The following ROR1 variants were observed in gnomAD, a reference collection of about 807,000 sequenced individuals.
ROR1 encodes the protein ROR family WNT receptor 1, also known as inactive tyrosine-protein kinase transmembrane receptor ROR1.
ROR1 carries 19 observed loss-of-function variants against 78.8 expected under a neutral mutation model. The ratio of observed to expected loss-of-function variants is 0.24; its 90% CI spans 0.17 to 0.35. The LOEUF (loss-of-function observed/expected upper bound fraction) is 0.35, where lower values mean the gene tolerates loss of function less well. Among genes scored for constraint, ROR1 ranks in the 10% least tolerant of loss-of-function variants. ROR1 has a pLI of 1.00. For missense variants in ROR1, 917 were observed against 1,177.8 expected (o/e 0.78, Z 3.24); for synonymous variants, 386 against 433.6 (o/e 0.89, Z 1.36).
intron 1 of ROR1, among the ~76,000 whole-genome samples, chr1:63,980,243 G>C (rs1646199084): frequency 6.6e-6 from 1 of 151,908 alleles, no homozygotes; most frequent in South Asian, 2.1e-4. Context: ...AGGAATTTGA[G>C]GCCTGAGGGG....
At chr1:63,833,965 CT>C (rs1036510230) in intron 1 of ROR1, among the ~76,000 whole-genome samples, 2 of 143,472 alleles carry the variant, frequency 1.4e-5, no homozygotes, top group African/African-American at 2.6e-5. Flanking sequence ...GTCTCGAGGG[CT>C]TTTTTTTGAC....
intron 1 of ROR1, among the ~76,000 whole-genome samples, chr1:63,990,678 G>T (rs1382737546): frequency 6.6e-6 from 1 of 152,108 alleles, no homozygotes; most frequent in East Asian, 1.9e-4. Flanking sequence ...CTCTGTCCCA[G>T]CTCCTCCACT....
intron 1 of ROR1, among the ~76,000 whole-genome samples, chr1:63,877,414 G>A (rs1283769586): frequency 1.3e-5 from 2 of 152,170 alleles, no homozygotes; most frequent in South Asian, 2.1e-4. Flanking sequence ...ATCACCTGAC[G>A]TTGTAATAAT....
At chr1:63,922,805 C>T (rs1258073991) in intron 1 of ROR1, among the ~76,000 whole-genome samples, 2 of 152,168 alleles carry the variant, frequency 1.3e-5, no homozygotes, top group Non-Finnish European at 2.9e-5. Context: ...GAGACTTATA[C>T]ACAGCCTAAC....
At position 64,140,193 on chromosome 1, in the gene ROR1, T is replaced by C; in HGVS notation, c.695T>C (p.Phe232Ser). Reference sequence around the variant, plus strand: ...ATTCCTTCCCTGTGCCACTATGCCTTCCCGTACTGCGATGAAACTTCATCC... The same window carrying C: ...ATTCCTTCCCTGTGCCACTATGCCTCCCCGTACTGCGATGAAACTTCATCC... Reference protein sequence around the residue: ...FAIPSLCHYAFPYCDETSSVP... With the variant: ...FAIPSLCHYASPYCDETSSVP... The change falls in exon 6 of 9, where the codon TTC becomes TCC. Residue 232 changes from phenylalanine to serine, a missense_variant. Phe to Ser is a radical substitution (Grantham distance 155). Around this residue, in one of 3 missense-constraint regions of ROR1, gnomAD observed 835 missense variants for 1,069.8 expected, o/e 0.78. Transcript: ENST00000371079. The C allele has an allele frequency of 6.2e-7, 1 of 1,614,196 alleles. No individual in the cohort carries two copies. Among genetic ancestry groups the C allele is most frequent in the Non-Finnish European group, 8.5e-7 (1 of 1,180,030 alleles).
chr1:64,063,373 C>T (rs1270061652), intron 4 of ROR1, among the ~76,000 whole-genome samples: 1 of 152,150 alleles, frequency 6.6e-6, no homozygotes, highest in Non-Finnish European at 1.5e-5. Flanking sequence ...GACAGCCCTT[C>T]CTAAATCTTT....
At chr1:63,917,218 T>C (rs1417723655) in intron 1 of ROR1, among the ~76,000 whole-genome samples, 1 of 152,180 alleles carries the variant, frequency 6.6e-6, no homozygotes, top group Non-Finnish European at 1.5e-5. Context: ...CCTCTTCCAC[T>C]GGACTGTGAA....
intron 4 of ROR1, among the ~76,000 whole-genome samples, chr1:64,088,432 A>G (rs1647170415): frequency 6.6e-6 from 1 of 152,168 alleles, no homozygotes; most frequent in Non-Finnish European, 1.5e-5. Context: ...TTTCTAATAT[A>G]GAGCTGCCAA....
intron 1 of ROR1, among the ~76,000 whole-genome samples, chr1:63,813,395 A>G (rs954623362): frequency 6.6e-6 from 1 of 152,208 alleles, no homozygotes; most frequent in Non-Finnish European, 1.5e-5. Flanking sequence ...GACATTCAAT[A>G]AATATTGATT....
intron 1 of ROR1, among the ~76,000 whole-genome samples, chr1:64,007,377 A>AGTGTGTGTGTGTGTGT (rs59753220): frequency 5.5e-5 from 8 of 145,924 alleles, no homozygotes; most frequent in Non-Finnish European, 9.0e-5. Context: ...TAATGTTCTG[A>AGTGTGTGTGTGTGTGT]GTGTGTGTGT....
chr1:64,051,357 G>A (rs1646827013), intron 4 of ROR1, among the ~76,000 whole-genome samples: 1 of 151,890 alleles, frequency 6.6e-6, no homozygotes, highest in African/African-American at 2.4e-5. Context: ...GGCTGAGGCA[G>A]GAGAATGGCG....
chr1:63,834,608 C>G (rs953343728), intron 1 of ROR1, among the ~76,000 whole-genome samples: 1 of 152,274 alleles, frequency 6.6e-6, no homozygotes, highest in South Asian at 2.1e-4. Flanking sequence ...CTTAGGCTTA[C>G]TCTTAAAATG....
rs10157674 is a variant in ROR1 at position 63,998,103 on chromosome 1, A to G, written c.92-11202A>G. Among the ~76,000 whole-genome samples the G allele has an allele frequency of 1.7e-3, 259 of 152,210 alleles. 1 individual carries two copies. The highest frequency in any genetic ancestry group is 5.8e-3 in the African/African-American group (243 of 41,550). On this transcript the variant is annotated intron_variant, in intron 1 of 8. Coordinates refer to ENST00000371079, the MANE Select transcript of ROR1 (RefSeq NM_005012.4). ...TCATCCTTGTGCTGAACTGCCTCCC[A>G]TCTAACCTATTCCAGGATCATTTAG... is the stretch of plus-strand genomic sequence containing the variant.
chr1:64,056,305 G>T (rs1167624036), intron 4 of ROR1, among the ~76,000 whole-genome samples: 1 of 151,846 alleles, frequency 6.6e-6, no homozygotes, highest in Non-Finnish European at 1.5e-5. Context: ...TAGTATATGG[G>T]TTCCAATTTC....
chr1:63,846,216 G>A (rs631961), intron 1 of ROR1, among the ~76,000 whole-genome samples: 57,055 of 150,578 alleles, frequency 0.38, 12,787 homozygotes, highest in African/African-American at 0.63. Flanking sequence ...TCCTCATGGT[G>A]AGGAGGTGGC....
chr1:64,017,209 A>G (rs918230926), intron 2 of ROR1, among the ~76,000 whole-genome samples: 23 of 152,130 alleles, frequency 1.5e-4, no homozygotes, highest in South Asian at 1.2e-3. Flanking sequence ...CTCAGCCAGG[A>G]ACACCTTCCT....
chr1:63,888,409 G>A (rs1310094609), intron 1 of ROR1, among the ~76,000 whole-genome samples: 1 of 152,034 alleles, frequency 6.6e-6, no homozygotes, highest in Non-Finnish European at 1.5e-5. Flanking sequence ...GAGCCCAGGA[G>A]TTTGAGACCA....
intron 1 of ROR1, among the ~76,000 whole-genome samples, chr1:63,903,657 A>G (rs532039806): frequency 6.6e-6 from 1 of 151,974 alleles, no homozygotes; most frequent in Admixed American, 6.6e-5. Context: ...GTTTAACTTT[A>G]CTGTATTTGC....
At chr1:63,919,692 G>T (rs955052214) in intron 1 of ROR1, among the ~76,000 whole-genome samples, 28 of 152,038 alleles carry the variant, frequency 1.8e-4, no homozygotes, top group African/African-American at 6.8e-4. Flanking sequence ...CTCTTCCAGA[G>T]CCTGTTTCTT....
Sources: allele counts gnomAD v4.1 joint callset (sites outside exome capture counted in the v4.1 genomes callset), GRCh38; gene constraint gnomAD v4.1.1; regional missense constraint gnomAD v4.1.1; transcripts MANE v1.5; gene names NCBI Gene and HGNC (gene_info 2026-07-23, HGNC 2026-07-21).